Variants in MYO16 observed in about 807,000 individuals in gnomAD.
MYO16 encodes unconventional myosin-XVI.
Under a neutral mutation model 205.3 loss-of-function variants are expected in MYO16, and 94 were observed. That is an observed-to-expected ratio of 0.46 (90% CI 0.39 to 0.54). The LOEUF is 0.54. Among genes scored for constraint, MYO16 ranks in the 20% least tolerant of loss-of-function variants. The probability of loss-of-function intolerance (pLI) is 0.00; values close to 1 mark genes in which losing one functional copy is unlikely to be tolerated. For missense variants in MYO16, 2,315 were observed against 2,387.5 expected (o/e 0.97, Z 0.63); for synonymous variants, 988 against 954.0 (o/e 1.04, Z -0.66).
At chr13:108,603,956 T>A (rs1470080920) in intron 1 of MYO16, among the ~76,000 whole-genome samples, 1 of 152,168 alleles carries the variant, frequency 6.6e-6, no homozygotes, top group Non-Finnish European at 1.5e-5. Context: ...TAAAGAAAGA[T>A]TTAATTGACT....
chr13:108,589,340 A>C, the MYO16 span, among the ~76,000 whole-genome samples: 1 of 152,138 alleles, frequency 6.6e-6, no homozygotes, highest in Non-Finnish European at 1.5e-5. Context: ...ATTACAATTT[A>C]ACTTCTCATA....
intron 33 of MYO16, among the ~76,000 whole-genome samples, chr13:109,166,475 T>C (rs1398628833): frequency 1.3e-5 from 2 of 152,066 alleles, no homozygotes; most frequent in Non-Finnish European, 2.9e-5. Context: ...TTTAGAGATA[T>C]AAAGGGCAAT....
At chr13:108,740,350 A>G (rs1884864223) in intron 4 of MYO16, among the ~76,000 whole-genome samples, 1 of 152,150 alleles carries the variant, frequency 6.6e-6, no homozygotes, top group Non-Finnish European at 1.5e-5. Context: ...TTTTCCTTCT[A>G]ACAGTCAGGA....
chr13:109,001,647 T>C (rs1278933669), intron 21 of MYO16, among the ~76,000 whole-genome samples: 1 of 152,180 alleles, frequency 6.6e-6, no homozygotes, highest in Non-Finnish European at 1.5e-5. Flanking sequence ...AGGCAATATA[T>C]GGAAATCAGG....
At chr13:108,529,878 C>A in the MYO16 span, among the ~76,000 whole-genome samples, 5 of 152,234 alleles carry the variant, frequency 3.3e-5, no homozygotes, top group African/African-American at 1.2e-4. Flanking sequence ...GGTGCCACTG[C>A]GATTGCCTTT....
intron 23 of MYO16, among the ~76,000 whole-genome samples, chr13:109,020,304 T>G (rs1885977858): frequency 6.6e-6 from 1 of 152,160 alleles, no homozygotes; most frequent in Non-Finnish European, 1.5e-5. Context: ...CATGTCAACT[T>G]AAGGAAGAAA....
intron 1 of MYO16, among the ~76,000 whole-genome samples, chr13:108,634,840 A>T (rs1237103828): frequency 6.6e-6 from 1 of 151,912 alleles, no homozygotes; most frequent in Non-Finnish European, 1.5e-5. Context: ...TCTTTTGACA[A>T]CCTCATCCAT....
At chr13:108,793,065 C>T (rs1426725919) in intron 5 of MYO16, among the ~76,000 whole-genome samples, 3 of 151,978 alleles carry the variant, frequency 2.0e-5, no homozygotes, top group Non-Finnish European at 4.4e-5. Context: ...GGGAGGATCA[C>T]GAGGTCAGGA....
chr13:109,093,058 A>T (rs1385923433), intron 27 of MYO16, among the ~76,000 whole-genome samples: 1 of 152,208 alleles, frequency 6.6e-6, no homozygotes, highest in Admixed American at 6.5e-5. Flanking sequence ...ACGTGAATGT[A>T]TGGAAGCGTG....
At chr13:108,913,487 A>C (rs1026049243) in intron 16 of MYO16, among the ~76,000 whole-genome samples, 5 of 152,172 alleles carry the variant, frequency 3.3e-5, no homozygotes, top group Admixed American at 2.0e-4. Flanking sequence ...GTTGGTATCT[A>C]ATCTTTATTT....
At chr13:108,496,032 C>T in the MYO16 span, among the ~76,000 whole-genome samples, 1,235 of 152,218 alleles carry the variant, frequency 8.1e-3, 24 homozygotes, top group African/African-American at 0.029. Context: ...TCTGCACCGC[C>T]GGGCTGGGGA....
intron 16 of MYO16, among the ~76,000 whole-genome samples, chr13:108,910,384 A>AC (rs397819762): frequency 4.6e-5 from 7 of 151,134 alleles, no homozygotes; most frequent in African/African-American, 1.7e-4. Flanking sequence ...ATCAGAAAAA[A>AC]CTTGTGCAGA....
chr13:108,658,597 T>C (rs1249610529), intron 1 of MYO16, among the ~76,000 whole-genome samples: 9 of 152,198 alleles, frequency 5.9e-5, no homozygotes, highest in African/African-American at 2.2e-4. Context: ...TCTCCTTTCA[T>C]CAATGGTTAA....
intron 1 of MYO16, among the ~76,000 whole-genome samples, chr13:108,614,599 C>T (rs1398620117): frequency 6.6e-6 from 1 of 151,996 alleles, no homozygotes; most frequent in Non-Finnish European, 1.5e-5. Flanking sequence ...ATAATCAAAA[C>T]AATGTGATAC....
chr13:109,069,033 T>C (rs1887844376), intron 27 of MYO16, among the ~76,000 whole-genome samples: 1 of 152,166 alleles, frequency 6.6e-6, no homozygotes. Context: ...TGACACATTG[T>C]CCAATGTAGT....
At chr13:108,668,771 G>A (rs1881853302) in intron 2 of MYO16, among the ~76,000 whole-genome samples, 1 of 152,152 alleles carries the variant, frequency 6.6e-6, no homozygotes, top group South Asian at 2.1e-4. Context: ...CCTGGGCTAT[G>A]CAGGTTCATC....
At chr13:108,945,206 C>T (rs941765485) in intron 16 of MYO16, among the ~76,000 whole-genome samples, 3 of 152,288 alleles carry the variant, frequency 2.0e-5, no homozygotes, top group African/African-American at 7.2e-5. Flanking sequence ...TCAGTCCAAA[C>T]TTTACTGACA....
chr13:109,058,083 G>T (rs75339161), intron 27 of MYO16, among the ~76,000 whole-genome samples: 2 of 152,082 alleles, frequency 1.3e-5, no homozygotes, highest in African/African-American at 4.8e-5. Context: ...GATTCAGTAG[G>T]TCTAGCGGAG....
the MYO16 span, among the ~76,000 whole-genome samples, chr13:108,575,414 T>C: frequency 2.0e-5 from 3 of 152,290 alleles, no homozygotes; most frequent in Non-Finnish European, 2.9e-5. Context: ...CTTGCTCTGC[T>C]GCCAAAGGGA....
Sources: allele counts gnomAD v4.1 joint callset (sites outside exome capture counted in the v4.1 genomes callset), GRCh38; gene constraint gnomAD v4.1.1; transcripts MANE v1.5; gene names NCBI Gene and HGNC (gene_info 2026-07-23, HGNC 2026-07-21).